The following GALNTL6 variants were observed in gnomAD, a reference collection of about 807,000 sequenced individuals.
GALNTL6 encodes polypeptide N-acetylgalactosaminyltransferase-like 6.
Under a neutral mutation model 73.7 loss-of-function variants are expected in GALNTL6, and 46 were observed. That is an observed-to-expected ratio of 0.62 (90% CI 0.49 to 0.80). The LOEUF is 0.80. Among genes scored for constraint, GALNTL6 ranks in the 30% least tolerant of loss-of-function variants. The pLI is 0.00. For synonymous variants in GALNTL6, 259 were observed against 263.7 expected, an observed-to-expected ratio of 0.98 and a Z score of 0.17; for missense variants, 604 against 755.0, an observed-to-expected ratio of 0.80 and a Z score of 2.34.
chr4:171,825,663 A>G (rs900405619), intron 2 of GALNTL6, among the ~76,000 whole-genome samples: 1 of 152,186 alleles, frequency 6.6e-6, no homozygotes, highest in African/African-American at 2.4e-5. Context: ...GTGCAGAAAT[A>G]TAAGCAAGTC....
chr4:172,381,445 T>C (rs1440926527), intron 5 of GALNTL6, among the ~76,000 whole-genome samples: 1 of 152,204 alleles, frequency 6.6e-6, no homozygotes, highest in African/African-American at 2.4e-5. Flanking sequence ...ACTCCCAGTT[T>C]TCTGGTAACC....
At chr4:172,295,376 C>T (rs938898151) in intron 3 of GALNTL6, among the ~76,000 whole-genome samples, 6 of 150,706 alleles carry the variant, frequency 4.0e-5, no homozygotes, top group East Asian at 3.9e-4. Flanking sequence ...GAGCCAAGAT[C>T]GCACCACTGC....
intron 5 of GALNTL6, among the ~76,000 whole-genome samples, chr4:172,550,710 G>C (rs1207692728): frequency 6.6e-6 from 1 of 152,086 alleles, no homozygotes; most frequent in Non-Finnish European, 1.5e-5. Flanking sequence ...CCATCCCCCA[G>C]CCTCAGCCTC....
chr4:172,390,528 A>T (rs112940067), intron 5 of GALNTL6, among the ~76,000 whole-genome samples: 5,036 of 152,278 alleles, frequency 0.033, 108 homozygotes, highest in Non-Finnish European at 0.035. Context: ...GATGTGAATC[A>T]TCCCTTTGTC....
chr4:172,718,365 C>G lies in GALNTL6; in HGVS notation c.554-90996C>G, dbSNP rs545176849. Among the ~76,000 whole-genome samples the G allele has an allele frequency of 2.0e-5, 3 of 152,226 alleles. No homozygotes were observed. The South Asian group carries it at 6.2e-4, about 32-fold the overall frequency. ...CAGTCATCTGGGCCTGGTACAGTGGCTCATACCTGTAATCCCAGCACACTG... is the reference window on the plus strand; with the variant it reads ...CAGTCATCTGGGCCTGGTACAGTGGGTCATACCTGTAATCCCAGCACACTG... On this transcript the variant is annotated intron_variant, in intron 5 of 12. Transcript: ENST00000506823.
chr4:172,842,426 G>T (rs192969748), intron 7 of GALNTL6, among the ~76,000 whole-genome samples: 2 of 152,192 alleles, frequency 1.3e-5, no homozygotes, highest in East Asian at 1.9e-4. Context: ...CTTCCTGAAG[G>T]TCTACTAGAG....
At position 172,873,572 on chromosome 4, in the gene GALNTL6, G is replaced by A. The variant is rs576285479; in HGVS notation, c.924-9218G>A. Among the ~76,000 whole-genome samples the A allele has an allele frequency of 2.6e-5, 4 of 152,342 alleles. No individual in the cohort carries two copies. In the South Asian group the frequency reaches 8.3e-4, roughly 32 times the overall value. ...CTCAAAGCTGCCATAGATCGTGAGG[G>A]AGACAGGTAGAAGTAGAACACAACA... On this transcript the variant is annotated intron_variant, in intron 7 of 12. Coordinates refer to ENST00000506823, the MANE Select transcript of GALNTL6 (RefSeq NM_001034845.3).
intron 2 of GALNTL6, among the ~76,000 whole-genome samples, chr4:172,219,223 A>ATATATATATATATATATATATATATATAT (rs56923371): frequency 9.2e-5 from 13 of 142,000 alleles, no homozygotes; most frequent in Non-Finnish European, 1.4e-4. Context: ...ATATATATAT[A>ATATATATATATATATATATATATATATAT]ATCCTTCTGT....
intron 2 of GALNTL6, among the ~76,000 whole-genome samples, chr4:171,859,033 G>A (rs1188259370): frequency 2.6e-5 from 4 of 152,052 alleles, no homozygotes; most frequent in African/African-American, 9.7e-5. Flanking sequence ...ATTTTTCCAT[G>A]TAAATGCTAA....
intron 5 of GALNTL6, among the ~76,000 whole-genome samples, chr4:172,583,756 C>T (rs1303231694): frequency 6.6e-6 from 1 of 151,070 alleles, no homozygotes; most frequent in Non-Finnish European, 1.5e-5. Context: ...AAAAATTATC[C>T]GGGGGTGGCA....
intron 5 of GALNTL6, among the ~76,000 whole-genome samples, chr4:172,719,210 A>T (rs1735301414): frequency 2.0e-5 from 3 of 152,236 alleles, no homozygotes; most frequent in African/African-American, 7.2e-5. Context: ...CTCAAAATGA[A>T]TCAGGCCTGT....
chr4:172,663,647 G>A (rs1731498532), intron 5 of GALNTL6, among the ~76,000 whole-genome samples: 1 of 152,216 alleles, frequency 6.6e-6, no homozygotes, highest in South Asian at 2.1e-4. Flanking sequence ...AAGGTGACTT[G>A]GCTAGGCGTA....
At chr4:172,810,919 C>G (rs1741260102) in intron 6 of GALNTL6, among the ~76,000 whole-genome samples, 1 of 151,996 alleles carries the variant, frequency 6.6e-6, no homozygotes. Flanking sequence ...CAAAGCAAAT[C>G]CCTAAATGCC....
chr4:172,438,157 A>G (rs967540643), intron 5 of GALNTL6, among the ~76,000 whole-genome samples: 12 of 152,126 alleles, frequency 7.9e-5, no homozygotes, highest in African/African-American at 2.9e-4. Flanking sequence ...TATTTGCTAC[A>G]TTTTCTGGTA....
intron 2 of GALNTL6, among the ~76,000 whole-genome samples, chr4:171,944,550 T>G (rs1240624497): frequency 1.3e-5 from 2 of 152,018 alleles, no homozygotes; most frequent in African/African-American, 4.8e-5. Flanking sequence ...TATTCTATAA[T>G]CTTATGATTT....
At chr4:172,489,816 A>G (rs1733833415) in intron 5 of GALNTL6, among the ~76,000 whole-genome samples, 1 of 152,328 alleles carries the variant, frequency 6.6e-6, no homozygotes, top group East Asian at 1.9e-4. Flanking sequence ...TGGATGGAAC[A>G]TTTGGTTACA....
At chr4:172,544,816 A>C (rs13150199) in intron 5 of GALNTL6, among the ~76,000 whole-genome samples, 29,607 of 152,226 alleles carry the variant, frequency 0.19, 3,670 homozygotes, top group Non-Finnish European at 0.3. Flanking sequence ...GTGAAGAAAT[A>C]AAATCTCAAT....
chr4:172,290,196 A>G (rs556306138), intron 3 of GALNTL6, among the ~76,000 whole-genome samples: 185 of 114,186 alleles, frequency 1.6e-3, no homozygotes, highest in Non-Finnish European at 2.8e-3. Flanking sequence ...CCTCTGAGAC[A>G]AATTTTAATT....
intron 2 of GALNTL6, among the ~76,000 whole-genome samples, chr4:172,142,271 C>T (rs1427724713): frequency 2.0e-5 from 3 of 152,044 alleles, no homozygotes; most frequent in African/African-American, 7.2e-5. Flanking sequence ...TTTGAGTACA[C>T]GTCATGCTGT....
Sources: allele counts gnomAD v4.1 joint callset (sites outside exome capture counted in the v4.1 genomes callset), GRCh38; gene constraint gnomAD v4.1.1; transcripts MANE v1.5; gene names NCBI Gene and HGNC (gene_info 2026-07-23, HGNC 2026-07-21).